MARCHF1: variants seen among roughly 807,000 people sequenced by gnomAD.
The protein encoded by MARCHF1 is E3 ubiquitin-protein ligase MARCHF1.
Under a neutral mutation model 54.2 loss-of-function variants are expected in MARCHF1, and 40 were observed. The observed-to-expected ratio is 0.74, with a 90% confidence interval of 0.57 to 0.96. MARCHF1 has a LOEUF of 0.96. Among genes scored for constraint, MARCHF1 ranks in the 40% least tolerant of loss-of-function variants. The pLI is 0.00. For synonymous variants in MARCHF1, 236 were observed against 236.3 expected (o/e 1.00, Z 0.01); for missense variants, 586 against 656.5 (o/e 0.89, Z 1.17).
At chr4:163,653,699 G>A (rs1308962435) in intron 5 of MARCHF1, among the ~76,000 whole-genome samples, 1 of 151,676 alleles carries the variant, frequency 6.6e-6, no homozygotes, top group Admixed American at 6.6e-5. Context: ...TTGGTTCTGA[G>A]GAACTAGATG....
intron 3 of MARCHF1, among the ~76,000 whole-genome samples, chr4:163,923,680 A>G (rs1360964048): frequency 6.6e-6 from 1 of 151,874 alleles, no homozygotes; most frequent in Non-Finnish European, 1.5e-5. Context: ...TGCATTTCTT[A>G]TATTTCTAGG....
At chr4:164,275,502 T>C (rs1325277590) in intron 1 of MARCHF1, among the ~76,000 whole-genome samples, 1 of 152,358 alleles carries the variant, frequency 6.6e-6, no homozygotes, top group African/African-American at 2.4e-5. Flanking sequence ...TACTAATTAA[T>C]GATGATTGTT....
intron 1 of MARCHF1, among the ~76,000 whole-genome samples, chr4:164,340,916 C>CAAA (rs35543676): frequency 0.031 from 3,007 of 96,240 alleles, 134 homozygotes; most frequent in African/African-American, 0.1. Flanking sequence ...GAGGGCACTA[C>CAAA]AAAAAAAAAA....
intron 3 of MARCHF1, among the ~76,000 whole-genome samples, chr4:163,940,208 A>C (rs1422114099): frequency 6.6e-6 from 1 of 152,146 alleles, no homozygotes; most frequent in Non-Finnish European, 1.5e-5. Context: ...CAAAGAAATA[A>C]ATTTCTGTTG....
At chr4:163,974,441 C>A (rs1319483553) in intron 3 of MARCHF1, among the ~76,000 whole-genome samples, 3 of 152,154 alleles carry the variant, frequency 2.0e-5, no homozygotes, top group African/African-American at 4.8e-5. Context: ...AACCCACATA[C>A]CAGAAATGCA....
chr4:164,212,727 G>C (rs1731812273), intron 1 of MARCHF1, among the ~76,000 whole-genome samples: 1 of 152,082 alleles, frequency 6.6e-6, no homozygotes, highest in Non-Finnish European at 1.5e-5. Flanking sequence ...GGTATCCCTT[G>C]AAATTTCCTC....
At chr4:164,175,192 A>G (rs777503140) in intron 1 of MARCHF1, among the ~76,000 whole-genome samples, 12 of 152,252 alleles carry the variant, frequency 7.9e-5, no homozygotes, top group Non-Finnish European at 1.8e-4. Context: ...ATTACTTGAT[A>G]TAATGGCTAG....
chr4:164,151,002 C>T (rs1381150240), intron 1 of MARCHF1, among the ~76,000 whole-genome samples: 1 of 152,080 alleles, frequency 6.6e-6, no homozygotes, highest in Non-Finnish European at 1.5e-5. Flanking sequence ...CTGGCCATTG[C>T]TGGCTTGGAA....
In MARCHF1 at chr4:163,833,969, C is replaced by G. The variant is rs139204504; in HGVS notation, c.111+20052G>C. Reference sequence around the variant, plus strand: ...ATGAGCAGCAGTGCCAATGGAGAATCCTGTCTTTATTTTTCAGCCATTCTG... The same window carrying G: ...ATGAGCAGCAGTGCCAATGGAGAATGCTGTCTTTATTTTTCAGCCATTCTG... On this transcript the variant is annotated intron_variant, in intron 4 of 9. Coordinates refer to ENST00000514618, the MANE Select transcript of MARCHF1 (RefSeq NM_001394959.1). Among the ~76,000 whole-genome samples the G allele has an allele frequency of 2.3e-3, 350 of 152,220 alleles. 1 individual carries two copies. The highest frequency in any genetic ancestry group is 7.9e-3 in the African/African-American group (330 of 41,548).
rs190851730 is a variant in MARCHF1, at chr4:163,555,727, C to T, written c.1192-9984G>A. On this transcript the variant is annotated intron_variant, in intron 8 of 9. Transcript: ENST00000514618. ...AAAGGAATAATTGGGTTACATTTCA[C>T]AGTGGCATAGTCTCTCTTCCCCAGA... 1,259 of 260,028 alleles carry T rather than the reference C, an allele frequency of 4.8e-3. 6 individuals are homozygous for T. The highest frequency in any genetic ancestry group is 7.6e-3 in the Non-Finnish European group (955 of 125,030). The allele number at this position is 260,028 out of a possible 1,614,324, so 16.1% of individuals were successfully genotyped here.
intron 1 of MARCHF1, among the ~76,000 whole-genome samples, chr4:164,144,095 G>A (rs2110876520): frequency 6.6e-6 from 1 of 152,208 alleles, no homozygotes; most frequent in African/African-American, 2.4e-5. Context: ...TAATGGTAAA[G>A]GGATCAATTC....
rs189118709 is a variant in MARCHF1, at chr4:164,137,978, A to C, written c.-322-26316T>G. ...TCCCTGGTGGTAATTTCTGAAATTT[A>C]TTCATTGCTTTACTCCTTGGCTCAT... On this transcript the variant is annotated intron_variant, in intron 1 of 9. Coordinates refer to ENST00000514618, the MANE Select transcript of MARCHF1 (RefSeq NM_001394959.1). Among the ~76,000 whole-genome samples, 46 of 152,290 alleles carry C rather than the reference A, an allele frequency of 3.0e-4. 1 individual carries two copies. In the East Asian group the frequency reaches 6.4e-3, roughly 21 times the overall value.
intron 7 of MARCHF1, among the ~76,000 whole-genome samples, chr4:163,591,008 G>T (rs1042876131): frequency 6.6e-6 from 1 of 151,366 alleles, no homozygotes; most frequent in African/African-American, 2.4e-5. Flanking sequence ...CTATTAGGAA[G>T]AATTAAAGTA....
chr4:163,586,077 A>T (rs1417162418), intron 7 of MARCHF1, 148 bp from the exon 8 acceptor site: 1 of 642,640 alleles, frequency 1.6e-6, no homozygotes, highest in Non-Finnish European at 2.5e-6. Flanking sequence ...TTGATGCTAG[A>T]ACCAAATCTA....
chr4:163,964,733 C>T (rs115901294), intron 3 of MARCHF1, among the ~76,000 whole-genome samples: 21 of 151,982 alleles, frequency 1.4e-4, no homozygotes, highest in African/African-American at 5.1e-4. Flanking sequence ...TCTTCACAGC[C>T]ATTTCTGCCT....
intron 5 of MARCHF1, among the ~76,000 whole-genome samples, chr4:163,645,059 T>G (rs1012950590): frequency 6.6e-6 from 1 of 152,096 alleles, no homozygotes; most frequent in Non-Finnish European, 1.5e-5. Flanking sequence ...CCCAGTGACA[T>G]AGCAGAAGCC....
At chr4:163,682,663 T>C (rs1054172910) in intron 5 of MARCHF1, among the ~76,000 whole-genome samples, 2 of 152,180 alleles carry the variant, frequency 1.3e-5, no homozygotes, top group African/African-American at 4.8e-5. Flanking sequence ...AATTGAATCA[T>C]GGGGGTGGTT....
chr4:163,561,869 G>C (rs1270039294), intron 8 of MARCHF1, among the ~76,000 whole-genome samples: 1 of 151,940 alleles, frequency 6.6e-6, no homozygotes, highest in Non-Finnish European at 1.5e-5. Flanking sequence ...TTGGTTCTGT[G>C]CTCCACCTAT....
chr4:164,081,125 G>A (rs550939560), intron 2 of MARCHF1, among the ~76,000 whole-genome samples: 2 of 133,644 alleles, frequency 1.5e-5, no homozygotes, highest in South Asian at 2.6e-4. Flanking sequence ...GGAGAATGGC[G>A]TGAACCCAGG....
Sources: gnomAD v4.1 joint callset for allele counts (sites outside exome capture counted in the v4.1 genomes callset) on GRCh38, gnomAD v4.1.1 for gene constraint, MANE v1.5 for transcripts, NCBI Gene and HGNC (gene_info 2026-07-23, HGNC 2026-07-21) for gene names.